Variants in BAAT observed in about 807,000 individuals in gnomAD.
BAAT encodes bile acid CoA: amino acid N-acyltransferase (glycine N-choloyltransferase).
In BAAT, 13 loss-of-function variants were observed where a neutral mutation model predicts 18.9. That is an observed-to-expected ratio of 0.69 (90% CI 0.45 to 1.10). The LOEUF (loss-of-function observed/expected upper bound fraction) is 1.10, where lower values mean the gene tolerates loss of function less well. BAAT is among the 50% of genes least tolerant of loss of function. BAAT has a pLI of 0.00. For synonymous variants in BAAT, 170 were observed against 190.7 expected (o/e 0.89, Z 0.89); for missense variants, 489 against 504.0 (o/e 0.97, Z 0.28).
intron 1 of BAAT, among the ~76,000 whole-genome samples, chr9:101,373,370 G>T (rs543030403): frequency 3.3e-5 from 5 of 152,300 alleles, no homozygotes; most frequent in African/African-American, 9.6e-5. Context: ...TTTAAATTCT[G>T]TGACTGACTT....
intron 3 of BAAT, among the ~76,000 whole-genome samples, chr9:101,364,002 C>G (rs1332756245): frequency 6.6e-6 from 1 of 152,072 alleles, no homozygotes; most frequent in Non-Finnish European, 1.5e-5. Context: ...GAGTGAGACC[C>G]TGTCTCAAGA....
chr9:101,371,996 C>T (rs1200611134), intron 1 of BAAT, among the ~76,000 whole-genome samples: 1 of 152,106 alleles, frequency 6.6e-6, no homozygotes, highest in African/African-American at 2.4e-5. Context: ...GAAACCATGT[C>T]CTTTGCAGCA....
intron 3 of BAAT, 96 bp downstream of exon 3, chr9:101,368,024 C>A: frequency 7.5e-7 from 1 of 1,336,464 alleles, no homozygotes; most frequent in Non-Finnish European, 1.1e-6. Flanking sequence ...TGCACTCCAG[C>A]CTGGGTGACG....
chr9:101,366,805 C>T (rs771141139), intron 3 of BAAT, among the ~76,000 whole-genome samples: 4 of 151,314 alleles, frequency 2.6e-5, no homozygotes, highest in African/African-American at 9.7e-5. Flanking sequence ...TTTTGGTGAT[C>T]CTTATATAAA....
In BAAT at chr9:101,370,940, T is replaced by C; in HGVS notation, c.465A>G (p.Pro155=). The change falls in exon 2 of 4, where the codon CCA becomes CCG. Residue 155 remains proline, a splice_region_variant and synonymous_variant. Coordinates refer to ENST00000259407, the MANE Select transcript of BAAT (RefSeq NM_001701.4). ...AATAAGCAGAGTAATTCTACTCACC[T>C]GGAGGGAGAAAGAGAGCTCCTCGAA... ...GRLRGALFLP[P]GEGLFPGVID... 6.2e-7 allele frequency: 1 copy of C among 1,614,024 alleles called. No individual in the cohort carries two copies. The highest frequency in any genetic ancestry group is 2.2e-5 in the East Asian group (1 of 44,854).
intron 1 of BAAT, among the ~76,000 whole-genome samples, chr9:101,380,138 C>T (rs1830109448): frequency 8.0e-6 from 1 of 124,352 alleles, no homozygotes; most frequent in Non-Finnish European, 1.7e-5. Context: ...GTTATAGCAA[C>T]TCCATCTTGA....
intron 1 of BAAT, among the ~76,000 whole-genome samples, chr9:101,379,969 C>T (rs901828902): frequency 6.6e-6 from 1 of 152,174 alleles, no homozygotes; most frequent in Admixed American, 6.5e-5. Context: ...CATTTTTTCT[C>T]ATCTGAAATC....
At chr9:101,366,028 A>C (rs549057566) in intron 3 of BAAT, among the ~76,000 whole-genome samples, 1 of 152,238 alleles carries the variant, frequency 6.6e-6, no homozygotes, top group East Asian at 1.9e-4. Flanking sequence ...TATACAATAC[A>C]TTATTATTAA....
intron 1 of BAAT, 22 bp from the exon 2 acceptor site, chr9:101,371,485 A>G: frequency 7.3e-7 from 1 of 1,366,228 alleles, no homozygotes; most frequent in South Asian, 1.2e-5. Flanking sequence ...AAGAAAGAGG[A>G]GCAGTAAAAT....
chr9:101,369,806 G>A (rs10989484), intron 2 of BAAT, among the ~76,000 whole-genome samples: 92,623 of 151,968 alleles, frequency 0.61, 29,403 homozygotes, highest in Non-Finnish European at 0.7. Context: ...TTTCTTCTGA[G>A]AAATTAACTT....
chr9:101,381,252 T>C (rs1191400261), intron 1 of BAAT, among the ~76,000 whole-genome samples: 1 of 151,946 alleles, frequency 6.6e-6, no homozygotes, highest in Non-Finnish European at 1.5e-5. Context: ...CCAGGCGTGG[T>C]GACTCATGCC....
intron 3 of BAAT, among the ~76,000 whole-genome samples, chr9:101,367,244 T>C (rs998429643): frequency 2.0e-5 from 3 of 152,148 alleles, no homozygotes; most frequent in Non-Finnish European, 2.9e-5. Flanking sequence ...GGCATATGGA[T>C]TGGAAAGCAC....
At chr9:101,381,981 A>T (rs900216609) in intron 1 of BAAT, among the ~76,000 whole-genome samples, 1 of 152,246 alleles carries the variant, frequency 6.6e-6, no homozygotes, top group African/African-American at 2.4e-5. Context: ...AAAAGAATTT[A>T]TCAAGAGTCT....
chr9:101,365,100 G>GCCCA (rs1829804405), intron 3 of BAAT, among the ~76,000 whole-genome samples: 1 of 152,160 alleles, frequency 6.6e-6, no homozygotes, highest in Non-Finnish European at 1.5e-5. Context: ...TTACCAATTT[G>GCCCA]GTTGGGAATT....
chr9:101,379,797 T>C (rs1830103348), intron 1 of BAAT, among the ~76,000 whole-genome samples: 1 of 152,246 alleles, frequency 6.6e-6, no homozygotes, highest in Non-Finnish European at 1.5e-5. Context: ...CCTAATGGAA[T>C]AGGTTCTTTT....
rs1470757277 is a variant in BAAT, at chr9:101,362,921, AC to A, written c.763del (p.Val255TyrfsTer30). The A allele has an allele frequency of 2.0e-5, 32 of 1,613,940 alleles. No individual in the cohort carries two copies. The highest frequency in any genetic ancestry group is 2.6e-5 in the Non-Finnish European group (31 of 1,179,962). ...AGGAAAGTTGGTCCCATTAATAAGT[AC>A]CGTGGCTGTGACTTGCTTTAGGTAA... is the stretch of plus-strand genomic sequence containing the variant. ...AIYLKQVTAT[V>X]LINGTNFPFG... On this transcript the variant is annotated frameshift_variant, in exon 4 of 4. Transcript: ENST00000259407. LOFTEE classifies it low-confidence loss of function (END_TRUNC).
At chr9:101,365,246 T>C (rs1435737200) in intron 3 of BAAT, among the ~76,000 whole-genome samples, 2 of 152,172 alleles carry the variant, frequency 1.3e-5, no homozygotes, top group Admixed American at 1.3e-4. Flanking sequence ...CCTGTATTTA[T>C]TTTAATTGAT....
Position 101,361,251 on chromosome 9 carries a change from CTA to C in BAAT, c.*1175_*1176del, listed in dbSNP as rs35538457. The C allele has an allele frequency of 0.049, 7,513 of 154,426 alleles. 257 individuals carry two copies. The highest frequency in any genetic ancestry group is 0.075 in the Non-Finnish European group (5,099 of 68,144). The allele number at this position is 154,426 out of a possible 1,614,324, so 9.6% of individuals were successfully genotyped here. ...TGTCTCTAGATATTTAACTGACCCA[CTA>C]TATTCCTCAAGGATACTGCATTTGG... On this transcript the variant is annotated 3_prime_UTR_variant, in exon 4 of 4. Coordinates refer to ENST00000259407, the MANE Select transcript of BAAT (RefSeq NM_001701.4).
At chr9:101,370,729 G>A (rs1588141580) in intron 2 of BAAT, among the ~76,000 whole-genome samples, 1 of 152,026 alleles carries the variant, frequency 6.6e-6, no homozygotes, top group East Asian at 1.9e-4. Context: ...TCAGACCCAA[G>A]GTTAACATTG....
Sources: gnomAD v4.1 joint callset for allele counts (sites outside exome capture counted in the v4.1 genomes callset) on GRCh38, gnomAD v4.1.1 for gene constraint, MANE v1.5 for transcripts, NCBI Gene and HGNC (gene_info 2026-07-23, HGNC 2026-07-21) for gene names.